Variants in ADGRF1 observed in about 807,000 individuals in gnomAD.
ADGRF1 encodes G protein-coupled receptor 110.
A neutral mutation model predicts 87.2 loss-of-function variants in ADGRF1; 85 were observed. That is an observed-to-expected ratio of 0.97 (90% CI 0.82 to 1.17). ADGRF1 has a LOEUF of 1.17. Among genes scored for constraint, ADGRF1 ranks in the 50% most tolerant of loss-of-function variants. ADGRF1 has a pLI of 0.00. For missense variants in ADGRF1, 1,169 were observed against 1,077.2 expected (o/e 1.09, Z -1.19); for synonymous variants, 430 against 408.8 (o/e 1.05, Z -0.63).
At chr6:47,005,972 A>T in intron 12 of ADGRF1, 96 bp from the exon 13 acceptor site, 1 of 705,432 alleles carries the variant, frequency 1.4e-6, no homozygotes, top group Non-Finnish European at 2.4e-6. Context: ...ATTTAATAGT[A>T]TTATTTCCTA....
chr6:47,038,528 AGT>A (rs1780655754), intron 1 of ADGRF1, among the ~76,000 whole-genome samples: 1 of 152,242 alleles, frequency 6.6e-6, no homozygotes, highest in African/African-American at 2.4e-5. Flanking sequence ...TGTGATATAC[AGT>A]GATCAGATCA....
At chr6:47,039,129 C>T (rs756506384) in intron 1 of ADGRF1, among the ~76,000 whole-genome samples, 5 of 151,984 alleles carry the variant, frequency 3.3e-5, no homozygotes, top group Non-Finnish European at 2.9e-5. Flanking sequence ...TTTTGTCTTC[C>T]AAGAAAGAAG....
intron 7 of ADGRF1, chr6:47,019,518 CG>C (rs1207457235): frequency 2.9e-6 from 1 of 348,930 alleles, no homozygotes; most frequent in Non-Finnish European, 4.0e-6. Context: ...CCCATCTCTA[CG>C]AAAAATACAA....
At chr6:47,022,804 C>CTTTTTTTTTTT (rs11286179) in intron 5 of ADGRF1, among the ~76,000 whole-genome samples, 13 of 119,276 alleles carry the variant, frequency 1.1e-4, no homozygotes, top group Non-Finnish European at 1.9e-4. Context: ...TTTCTTTTTT[C>CTTTTTTTTTTT]TTTTTTTTTT....
In ADGRF1 at chr6:46,999,152, T is replaced by C. The variant is rs978430141; in HGVS notation, c.*1070A>G. ...TATGGAAGAGAAGTGTTGCTTCACA[T>C]AGCGTCAACTCCTGCTGCTTTGTAT... On this transcript the variant is annotated 3_prime_UTR_variant, in exon 15 of 15. Coordinates refer to ENST00000371253, the MANE Select transcript of ADGRF1 (RefSeq NM_153840.4). 6.6e-6 allele frequency: 1 copy of C among 152,222 alleles called. No individual in the cohort carries two copies. The highest frequency in any genetic ancestry group is 2.4e-5 in the African/African-American group (1 of 41,454). 9.4% of individuals were successfully genotyped at this position (152,222 alleles called of 1,614,324 possible). A position where few individuals can be genotyped will look rare whatever the true frequency, so the allele number is the denominator to read the frequency against.
intron 13 of ADGRF1, among the ~76,000 whole-genome samples, chr6:47,005,454 T>G (rs898615234): frequency 6.6e-6 from 1 of 152,214 alleles, no homozygotes; most frequent in Non-Finnish European, 1.5e-5. Context: ...AAAAATGGTT[T>G]ACAGAAGGTT....
In ADGRF1 at chr6:47,009,432, TAGA is replaced by T. The variant is rs1779629522; in HGVS notation, c.2000_2002del (p.Phe667del). 1.9e-6 allele frequency: 3 copies of T among 1,613,058 alleles called. No homozygotes were observed. The highest frequency in any genetic ancestry group is 1.3e-5 in the African/African-American group (1 of 74,626). ...GAGCATCCAGAAGAACAAAGAGAGGTAGAAGAAGTGTGTAAAGAACACAGCAGC... is the reference window on the plus strand; with the variant it reads ...GAGCATCCAGAAGAACAAAGAGAGGTAGAAGTGTGTAAAGAACACAGCAGC... On this transcript the variant is annotated inframe_deletion, in exon 11 of 15. Transcript: ENST00000371253.
chr6:47,016,576 G>T (rs766325447), intron 8 of ADGRF1, 41 bp downstream of exon 8: 3 of 1,476,786 alleles, frequency 2.0e-6, no homozygotes, highest in Non-Finnish European at 2.7e-6. Context: ...CTAATTAAAG[G>T]ACTCTCTTAA....
chr6:47,026,645 A>G (rs1780244468), intron 3 of ADGRF1, among the ~76,000 whole-genome samples: 1 of 152,106 alleles, frequency 6.6e-6, no homozygotes, highest in African/African-American at 2.4e-5. Context: ...GAATCCTATG[A>G]GTCTTCTCCC....
At chr6:47,030,343 T>A (rs1158945274) in intron 1 of ADGRF1, among the ~76,000 whole-genome samples, 1 of 152,192 alleles carries the variant, frequency 6.6e-6, no homozygotes, top group East Asian at 1.9e-4. Flanking sequence ...CCCACCTTCC[T>A]GTTTGCCAAA....
intron 1 of ADGRF1, among the ~76,000 whole-genome samples, chr6:47,035,738 G>A (rs1310686659): frequency 6.6e-6 from 1 of 152,160 alleles, no homozygotes; most frequent in Non-Finnish European, 1.5e-5. Flanking sequence ...ATCTCCACCT[G>A]AGTTCCTTAC....
chr6:47,021,362 AT>A (rs201595898), intron 6 of ADGRF1, among the ~76,000 whole-genome samples: 4 of 151,266 alleles, frequency 2.6e-5, no homozygotes, highest in Admixed American at 1.3e-4. Context: ...TTAGATCATG[AT>A]TTTTTTTTGT....
At chr6:47,032,452 G>T (rs1016765264) in intron 1 of ADGRF1, among the ~76,000 whole-genome samples, 1 of 152,150 alleles carries the variant, frequency 6.6e-6, no homozygotes, top group African/African-American at 2.4e-5. Context: ...AAAATTATTT[G>T]TGTCTTATCT....
chr6:47,040,148 T>G (rs1186892586), intron 1 of ADGRF1, among the ~76,000 whole-genome samples: 1 of 151,790 alleles, frequency 6.6e-6, no homozygotes, highest in African/African-American at 2.4e-5. Flanking sequence ...GCTATGGGTG[T>G]TCCCTGCCAA....
chr6:47,009,471 C>T lies in ADGRF1; in HGVS notation c.1964G>A (p.Gly655Glu). 1 of 1,613,866 alleles carries T rather than the reference C, an allele frequency of 6.2e-7. No homozygotes were observed. Among genetic ancestry groups the T allele is most frequent in the Non-Finnish European group, 8.5e-7 (1 of 1,179,928 alleles). The change falls in exon 11 of 15, where the codon GGA (glycine) becomes GAA (glutamate). Residue 655 changes from glycine (G) to glutamate (E), a missense_variant. By Grantham distance (98) the Gly-to-Glu change is moderately conservative (BLOSUM62 -2). Transcript: ENST00000371253. ...ATVDTTVNPS[G>E]VCTAAVFFTH... Reference sequence around the variant, plus strand: ...AAAGAACACAGCAGCTGTGCAGACTCCAGAAGGGTTCACCGTGGTGTCCAC... The same window carrying T: ...AAAGAACACAGCAGCTGTGCAGACTTCAGAAGGGTTCACCGTGGTGTCCAC...
chr6:47,018,440 T>A, intron 7 of ADGRF1: 1 of 1,289,700 alleles, frequency 7.8e-7, no homozygotes, highest in Non-Finnish European at 1.0e-6. Flanking sequence ...AATGTATAAA[T>A]AAGTGCAGAC....
Position 47,016,637 on chromosome 6 carries a change from G to C in ADGRF1, c.743C>G (p.Ser248Cys), listed in dbSNP as rs61740071. Residue 248 changes from serine (S) to cysteine (C), a missense_variant, in exon 8 of 15, where the codon TCT becomes TGT. Ser to Cys is a moderately radical substitution (Grantham distance 112). Transcript: ENST00000371253. ...ATTACCTTTTCCGAACACTCTGAAA[G>C]AGCCGTCTTCTAATGGAAACAGCTT... ...LHKLFPLEDG[S>C]FRVFGKAQCN... 1,323 of 1,609,516 alleles carry C rather than the reference G, an allele frequency of 8.2e-4. 5 individuals are homozygous for C. In the African/African-American group the frequency reaches 0.016, roughly 19 times the overall value.
chr6:47,020,430 A>AGGTTGCAG, intron 7 of ADGRF1: 1 of 1,037,460 alleles, frequency 9.6e-7, no homozygotes, highest in South Asian at 1.5e-5. Flanking sequence ...CGGTAGGCAG[A>AGGTTGCAG]GGTTGCAGGG....
chr6:47,031,405 A>G (rs1780429141), intron 1 of ADGRF1, among the ~76,000 whole-genome samples: 2 of 147,424 alleles, frequency 1.4e-5, no homozygotes, highest in African/African-American at 2.5e-5. Flanking sequence ...AATCTTCCTC[A>G]TACATGTACT....
Sources: allele counts gnomAD v4.1 joint callset (sites outside exome capture counted in the v4.1 genomes callset), GRCh38; gene constraint gnomAD v4.1.1; transcripts MANE v1.5; gene names NCBI Gene and HGNC (gene_info 2026-07-23, HGNC 2026-07-21).